The following SH3BGRL2 variants were observed in gnomAD, a reference collection of about 807,000 sequenced individuals.
SH3BGRL2 encodes SH3 domain-binding glutamic acid-rich-like protein 2.
In SH3BGRL2, 21 loss-of-function variants were observed where a neutral mutation model predicts 14.8. The observed-to-expected ratio is 1.42, with a 90% CI of 1.01 to 2.05. The LOEUF (loss-of-function observed/expected upper bound fraction) is 2.05, where lower values mean the gene tolerates loss of function less well. SH3BGRL2 is among the 30% of genes most tolerant of loss of function. SH3BGRL2 has a pLI of 0.00. For synonymous variants in SH3BGRL2, 50 were observed against 47.8 expected (o/e 1.05, Z -0.19); for missense variants, 147 against 130.8 (o/e 1.12, Z -0.61).
chr6:79,669,533 C>A (rs1562153027), intron 1 of SH3BGRL2, among the ~76,000 whole-genome samples: 1 of 148,322 alleles, frequency 6.7e-6, no homozygotes, highest in African/African-American at 2.5e-5. Flanking sequence ...CTGCTTACTG[C>A]AACCAGGTTC....
intron 1 of SH3BGRL2, among the ~76,000 whole-genome samples, chr6:79,637,119 C>T (rs1017876503): frequency 6.6e-5 from 10 of 152,156 alleles, no homozygotes; most frequent in African/African-American, 1.9e-4. Flanking sequence ...GTATATGGAA[C>T]TATAGTCTAT....
intron 2 of SH3BGRL2, among the ~76,000 whole-genome samples, chr6:79,695,217 G>A (rs143114017): frequency 9.8e-4 from 149 of 152,242 alleles, no homozygotes; most frequent in African/African-American, 3.1e-3. Flanking sequence ...GCTCTTTTCA[G>A]ACATGTTGCT....
the SH3BGRL2 span, among the ~76,000 whole-genome samples, chr6:79,578,633 C>T: frequency 6.6e-6 from 1 of 152,142 alleles, no homozygotes; most frequent in Non-Finnish European, 1.5e-5. Flanking sequence ...TACACCAGCA[C>T]CCCATCTGTA....
intron 1 of SH3BGRL2, among the ~76,000 whole-genome samples, chr6:79,636,203 T>TG (rs1220779782): frequency 6.6e-6 from 1 of 152,100 alleles, no homozygotes; most frequent in Non-Finnish European, 1.5e-5. Flanking sequence ...CATACTCAGG[T>TG]GGGGGGACCT....
the SH3BGRL2 span, among the ~76,000 whole-genome samples, chr6:79,583,958 A>T: frequency 6.6e-6 from 1 of 152,164 alleles, no homozygotes; most frequent in Non-Finnish European, 1.5e-5. Context: ...ATCGGATCTA[A>T]TTGTCACTAT....
At chr6:79,595,859 T>A in the SH3BGRL2 span, among the ~76,000 whole-genome samples, 1 of 152,162 alleles carries the variant, frequency 6.6e-6, no homozygotes, top group African/African-American at 2.4e-5. Context: ...AGGCATCCAG[T>A]TGGAAAATGA....
chr6:79,599,313 A>G, the SH3BGRL2 span, among the ~76,000 whole-genome samples: 7 of 152,064 alleles, frequency 4.6e-5, no homozygotes, highest in African/African-American at 1.7e-4. Context: ...TCTATGACCC[A>G]GCAAATACCC....
chr6:79,683,295 C>G (rs1229052173), intron 2 of SH3BGRL2, among the ~76,000 whole-genome samples: 1 of 152,166 alleles, frequency 6.6e-6, no homozygotes, highest in Non-Finnish European at 1.5e-5. Flanking sequence ...ATTTATGGGA[C>G]CTGCTTCAAA....
chr6:79,637,388 A>C (rs1768946209), intron 1 of SH3BGRL2, among the ~76,000 whole-genome samples: 1 of 152,194 alleles, frequency 6.6e-6, no homozygotes, highest in South Asian at 2.1e-4. Flanking sequence ...AAGATAAAAT[A>C]ATTTATTTGA....
chr6:79,680,950 C>A (rs1769977374), intron 2 of SH3BGRL2, among the ~76,000 whole-genome samples: 1 of 151,778 alleles, frequency 6.6e-6, no homozygotes, highest in East Asian at 1.9e-4. Flanking sequence ...TTTATTAGTT[C>A]TTTTATTTTT....
At chr6:79,694,790 C>T (rs756768376) in intron 2 of SH3BGRL2, among the ~76,000 whole-genome samples, 3 of 152,164 alleles carry the variant, frequency 2.0e-5, no homozygotes, top group Non-Finnish European at 4.4e-5. Flanking sequence ...CTTCTACCCC[C>T]AAAATGTATC....
At chr6:79,567,976 TA>T in the SH3BGRL2 span, among the ~76,000 whole-genome samples, 1 of 152,074 alleles carries the variant, frequency 6.6e-6, no homozygotes, top group Non-Finnish European at 1.5e-5. Flanking sequence ...ACTAGTAACA[TA>T]AAAAGATGTC....
chr6:79,659,216 A>G (rs925561361), intron 1 of SH3BGRL2, among the ~76,000 whole-genome samples: 7 of 151,792 alleles, frequency 4.6e-5, no homozygotes, highest in African/African-American at 1.7e-4. Context: ...CCTTGCCCAT[A>G]CCTATGTCCT....
chr6:79,564,703 G>C, the SH3BGRL2 span, among the ~76,000 whole-genome samples: 1 of 151,904 alleles, frequency 6.6e-6, no homozygotes, highest in Non-Finnish European at 1.5e-5. Context: ...GAGTTTTACA[G>C]GTCTGAATCT....
At chr6:79,554,506 TA>T in the SH3BGRL2 span, among the ~76,000 whole-genome samples, 12 of 152,222 alleles carry the variant, frequency 7.9e-5, no homozygotes, top group African/African-American at 2.7e-4. Context: ...GAGTCTGCAA[TA>T]GGGAGTAAAG....
At chr6:79,541,150 G>T in the SH3BGRL2 span, among the ~76,000 whole-genome samples, 1 of 152,126 alleles carries the variant, frequency 6.6e-6, no homozygotes, top group Non-Finnish European at 1.5e-5. Context: ...CTTCACGTGA[G>T]GCTGAGGCAG....
At chr6:79,617,131 G>A in the SH3BGRL2 span, among the ~76,000 whole-genome samples, 312 of 151,758 alleles carry the variant, frequency 2.1e-3, 1 homozygote, top group African/African-American at 7.2e-3. Context: ...GTTGTGGTGG[G>A]CCGTCATGGC....
chr6:79,683,086 A>ATGCATT (rs1463500443), intron 2 of SH3BGRL2, among the ~76,000 whole-genome samples: 2 of 152,172 alleles, frequency 1.3e-5, no homozygotes, highest in Admixed American at 6.5e-5. Flanking sequence ...ATTAGGAGAA[A>ATGCATT]TACCTAATGT....
the SH3BGRL2 span, among the ~76,000 whole-genome samples, chr6:79,559,262 G>A: frequency 6.6e-6 from 1 of 152,088 alleles, no homozygotes; most frequent in Non-Finnish European, 1.5e-5. Context: ...CCAGGAGTAC[G>A]AGACCAGCCT....
Sources: allele counts gnomAD v4.1 joint callset (sites outside exome capture counted in the v4.1 genomes callset), GRCh38; gene constraint gnomAD v4.1.1; transcripts MANE v1.5; gene names NCBI Gene and HGNC (gene_info 2026-07-23, HGNC 2026-07-21).